The following TAOK3 variants were observed in gnomAD, a reference collection of about 807,000 sequenced individuals.
The protein encoded by TAOK3 is TAO kinase 3.
A neutral mutation model predicts 120.4 loss-of-function variants in TAOK3; 40 were observed. That is an observed-to-expected ratio of 0.33 (90% CI 0.26 to 0.43). TAOK3 has a LOEUF of 0.43. Among genes scored for constraint, TAOK3 ranks in the 20% least tolerant of loss-of-function variants. TAOK3 has a pLI of 1.00. For synonymous variants in TAOK3, 355 were observed against 387.5 expected, an observed-to-expected ratio of 0.92 and a Z score of 0.99; for missense variants, 821 against 1,112.1, an observed-to-expected ratio of 0.74 and a Z score of 3.72.
At chr12:118,214,728 T>C (rs896482861) in intron 9 of TAOK3, among the ~76,000 whole-genome samples, 6 of 147,786 alleles carry the variant, frequency 4.1e-5, no homozygotes, top group Admixed American at 1.4e-4. Context: ...ACATCGTGCA[T>C]GGCTAATTTC....
At chr12:118,314,994 G>A (rs1459924856) in intron 1 of TAOK3, among the ~76,000 whole-genome samples, 1 of 151,818 alleles carries the variant, frequency 6.6e-6, no homozygotes, top group African/African-American at 2.4e-5. Flanking sequence ...GCAGTGGCAA[G>A]ATCTAAGCTG....
chr12:118,276,151 A>G (rs954425184), intron 1 of TAOK3, among the ~76,000 whole-genome samples: 2 of 152,210 alleles, frequency 1.3e-5, no homozygotes, highest in Non-Finnish European at 2.9e-5. Flanking sequence ...TGTGGGAAAT[A>G]GATTGTGTAG....
intron 3 of TAOK3, among the ~76,000 whole-genome samples, chr12:118,253,928 A>G (rs2040870057): frequency 6.6e-6 from 1 of 152,088 alleles, no homozygotes; most frequent in South Asian, 2.1e-4. Flanking sequence ...ACATGCCTGT[A>G]ATCCCAGCTA....
chr12:118,294,930 A>G (rs1450928513), intron 1 of TAOK3, among the ~76,000 whole-genome samples: 1 of 152,202 alleles, frequency 6.6e-6, no homozygotes, highest in Non-Finnish European at 1.5e-5. Flanking sequence ...AGGCTGGGGA[A>G]AGATTAGGAA....
intron 9 of TAOK3, among the ~76,000 whole-genome samples, chr12:118,222,755 T>A (rs959596037): frequency 1.3e-5 from 2 of 152,036 alleles, no homozygotes; most frequent in African/African-American, 4.8e-5. Flanking sequence ...AGGGATCTAA[T>A]GGACTTTGGA....
rs1014087631 is a variant in TAOK3, at chr12:118,161,748, A to G, written c.2139+40T>C. ...CTCTGACACTTCAGGTAGAGAAACC[A>G]CTGATCTGGTCCAACACTGTCCAGC... is the stretch of plus-strand genomic sequence containing the variant. On this transcript the variant is annotated intron_variant, in intron 18 of 20. Coordinates refer to ENST00000392533, the MANE Select transcript of TAOK3 (RefSeq NM_016281.4). This position sits in a 1 kb window ranked among gnomAD's most constrained non-coding sequence, Gnocchi z 4.5. 1.2e-6 allele frequency: 2 copies of G among 1,606,262 alleles called. No individual in the cohort carries two copies. The highest frequency in any genetic ancestry group is 1.7e-5 in the Admixed American group (1 of 59,746).
intron 1 of TAOK3, among the ~76,000 whole-genome samples, chr12:118,345,739 C>T (rs1264364084): frequency 6.6e-6 from 1 of 150,400 alleles, no homozygotes; most frequent in Non-Finnish European, 1.5e-5. Flanking sequence ...TTCTTATGGT[C>T]TACCTGATGT....
chr12:118,349,332 T>C (rs139261346), intron 1 of TAOK3, among the ~76,000 whole-genome samples: 14 of 152,230 alleles, frequency 9.2e-5, no homozygotes, highest in Non-Finnish European at 1.9e-4. Flanking sequence ...AGAAACATTA[T>C]TAATATCCAA....
intron 14 of TAOK3, among the ~76,000 whole-genome samples, chr12:118,182,621 A>ATTT (rs1255090106): frequency 5.3e-4 from 52 of 98,970 alleles, no homozygotes; most frequent in East Asian, 1.8e-3. Context: ...ATATATATAT[A>ATTT]TATTTTTTTT....
intron 1 of TAOK3, among the ~76,000 whole-genome samples, chr12:118,322,866 C>T (rs759970806): frequency 1.3e-5 from 2 of 151,662 alleles, no homozygotes; most frequent in African/African-American, 2.4e-5. Flanking sequence ...GCTGGGATTA[C>T]AGGTGTGCAC....
intron 1 of TAOK3, among the ~76,000 whole-genome samples, chr12:118,278,154 A>G (rs957337036): frequency 2.0e-5 from 3 of 151,870 alleles, no homozygotes; most frequent in South Asian, 2.1e-4. Flanking sequence ...ATTTTTTAAC[A>G]TTTACTTTAG....
At chr12:118,198,940 C>G (rs2037881135) in intron 13 of TAOK3, 111 bp downstream of exon 13, 1 of 1,138,470 alleles carries the variant, frequency 8.8e-7, no homozygotes, top group Non-Finnish European at 1.3e-6. Context: ...AGGTTTAGTA[C>G]CACACTGCAG....
intron 1 of TAOK3, among the ~76,000 whole-genome samples, chr12:118,309,640 C>A (rs140161276): frequency 1.3e-5 from 2 of 151,906 alleles, no homozygotes; most frequent in Admixed American, 6.6e-5. Flanking sequence ...CTCACCCTCC[C>A]GAGTAGCTGG....
At chr12:118,233,254 G>T in intron 9 of TAOK3, among the ~76,000 whole-genome samples, 1 of 117,366 alleles carries the variant, frequency 8.5e-6, no homozygotes, top group Non-Finnish European at 1.8e-5. Context: ...GCCTGTTGTG[G>T]GGTGGGGGGA....
chr12:118,206,190 A>T (rs553862954), intron 11 of TAOK3, among the ~76,000 whole-genome samples: 1 of 152,358 alleles, frequency 6.6e-6, no homozygotes, highest in East Asian at 1.9e-4. Flanking sequence ...TGACAAAGAC[A>T]ATAAAAGCTA....
intron 1 of TAOK3, among the ~76,000 whole-genome samples, chr12:118,292,900 T>C (rs1593437766): frequency 6.6e-6 from 1 of 152,252 alleles, no homozygotes; most frequent in Non-Finnish European, 1.5e-5. Context: ...AATCCTGTAA[T>C]GGGACTTTTG....
At chr12:118,156,348 A>G (rs2034824232) in intron 19 of TAOK3, among the ~76,000 whole-genome samples, 1 of 151,734 alleles carries the variant, frequency 6.6e-6, no homozygotes, top group Admixed American at 6.6e-5. Flanking sequence ...AGATACCACA[A>G]CTTCTTGGTT....
At chr12:118,248,405 T>C (rs2040609561) in intron 3 of TAOK3, among the ~76,000 whole-genome samples, 1 of 152,144 alleles carries the variant, frequency 6.6e-6, no homozygotes, top group Non-Finnish European at 1.5e-5. Flanking sequence ...TCTCTAACAC[T>C]GTTCTGGCTT....
At chr12:118,349,930 T>C (rs2045060878) in intron 1 of TAOK3, among the ~76,000 whole-genome samples, 1 of 152,234 alleles carries the variant, frequency 6.6e-6, no homozygotes, top group African/African-American at 2.4e-5. Flanking sequence ...AGGATGCAGC[T>C]GAACTTCTCT....
Sources: allele counts gnomAD v4.1 joint callset (sites outside exome capture counted in the v4.1 genomes callset), GRCh38; gene constraint gnomAD v4.1.1; non-coding constraint Gnocchi (gnomAD v3.1); transcripts MANE v1.5; gene names NCBI Gene and HGNC (gene_info 2026-07-23, HGNC 2026-07-21).